TAF1B: variants seen among roughly 807,000 people sequenced by gnomAD.
The protein encoded by TAF1B is TATA box-binding protein-associated factor RNA polymerase I subunit B.
Under a neutral mutation model 83.9 loss-of-function variants are expected in TAF1B, and 61 were observed. That is an observed-to-expected ratio of 0.73 (90% confidence interval 0.59 to 0.90). The LOEUF is 0.90. Ranked by LOEUF, TAF1B falls within the 40% of genes least tolerant of loss-of-function variation. The pLI, the probability that TAF1B is intolerant of heterozygous loss-of-function variation, is 0.00. For missense variants in TAF1B, 625 were observed against 677.0 expected, an observed-to-expected ratio of 0.92 and a Z score of 0.85; for synonymous variants, 221 against 224.6, an observed-to-expected ratio of 0.98 and a Z score of 0.14.
At position 9,871,830 on chromosome 2, in the gene TAF1B, GGAA is replaced by G. The variant is rs150650460; in HGVS notation, c.553+3410_553+3412del. On this transcript the variant is annotated intron_variant, in intron 6 of 14. Coordinates refer to ENST00000263663, the MANE Select transcript of TAF1B (RefSeq NM_005680.3). Reference sequence around the variant, plus strand: ...CTGTCACTGTTCTGGAAACTGGGTAGGAAGAAGAAGACCGGAGGGGAATGGGGG... The same window carrying G: ...CTGTCACTGTTCTGGAAACTGGGTAGGAAGAAGACCGGAGGGGAATGGGGG... Among the ~76,000 whole-genome samples the G allele has an allele frequency of 3.5e-3, 526 of 152,226 alleles. 2 individuals carry two copies. Among genetic ancestry groups the G allele is most frequent in the African/African-American group, 0.012 (509 of 41,526 alleles).
chr2:9,880,005 C>T (rs867903490), intron 7 of TAF1B, among the ~76,000 whole-genome samples: 2 of 152,004 alleles, frequency 1.3e-5, no homozygotes, highest in Non-Finnish European at 2.9e-5. Context: ...ATCATTCAGG[C>T]AGCTGTGGAA....
chr2:9,881,188 G>A (rs1186656515), intron 7 of TAF1B, among the ~76,000 whole-genome samples: 2 of 152,026 alleles, frequency 1.3e-5, no homozygotes, highest in African/African-American at 4.8e-5. Flanking sequence ...ACAAAAATTA[G>A]CCAGGCATGG....
intron 3 of TAF1B, among the ~76,000 whole-genome samples, chr2:9,850,027 A>ATGTG (rs3032347): frequency 1.1e-3 from 135 of 123,626 alleles, no homozygotes; most frequent in African/African-American, 3.4e-3. Flanking sequence ...ATATATATAT[A>ATGTG]TGTGTGTGTG....
intron 8 of TAF1B, among the ~76,000 whole-genome samples, chr2:9,886,872 C>T (rs1455237226): frequency 6.6e-6 from 1 of 152,188 alleles, no homozygotes; most frequent in Non-Finnish European, 1.5e-5. Context: ...TGAGACCATC[C>T]TTGCCAATAT....
intron 7 of TAF1B, among the ~76,000 whole-genome samples, chr2:9,879,105 G>A (rs564836472): frequency 1.3e-5 from 2 of 152,268 alleles, no homozygotes; most frequent in South Asian, 4.2e-4. Flanking sequence ...AGATAGCACG[G>A]AACCCTATAT....
At chr2:9,878,594 G>A (rs1329831897) in intron 7 of TAF1B, among the ~76,000 whole-genome samples, 1 of 152,124 alleles carries the variant, frequency 6.6e-6, no homozygotes, top group East Asian at 1.9e-4. Context: ...TAGCCTGTAA[G>A]GGACCCTGCC....
chr2:9,916,834 G>GTTGTTTTTTTT (rs1572282272), intron 12 of TAF1B, among the ~76,000 whole-genome samples: 1 of 44,848 alleles, frequency 2.2e-5, no homozygotes, highest in African/African-American at 4.6e-5. Context: ...TTTCCTTTCT[G>GTTGTTTTTTTT]TTCTTTTTTT....
At chr2:9,864,360 A>T (rs1251781036) in intron 5 of TAF1B, among the ~76,000 whole-genome samples, 1 of 152,226 alleles carries the variant, frequency 6.6e-6, no homozygotes, top group Non-Finnish European at 1.5e-5. Flanking sequence ...AAATTCCTCG[A>T]CAAATACACC....
At chr2:9,894,244 A>ATT (rs1664954153) in intron 8 of TAF1B, among the ~76,000 whole-genome samples, 1 of 15,916 alleles carries the variant, frequency 6.3e-5, no homozygotes, top group Admixed American at 1.4e-3. Flanking sequence ...AAGTTTAAAC[A>ATT]CTATTTTCAG....
intron 4 of TAF1B, chr2:9,852,100 C>T (rs1663415449): frequency 4.3e-6 from 2 of 462,766 alleles, no homozygotes; most frequent in South Asian, 1.6e-5. Context: ...CACCTGAGTG[C>T]ATCAGAATCA....
At chr2:9,877,645 A>G (rs1664360942) in intron 7 of TAF1B, among the ~76,000 whole-genome samples, 1 of 152,068 alleles carries the variant, frequency 6.6e-6, no homozygotes, top group African/African-American at 2.4e-5. Context: ...CATAAACCTA[A>G]TCATGTCATT....
intron 4 of TAF1B, 55 bp from the exon 5 acceptor site, chr2:9,854,271 G>C: frequency 8.1e-7 from 1 of 1,237,420 alleles, no homozygotes; most frequent in Non-Finnish European, 1.2e-6. Flanking sequence ...AGATGTGCCT[G>C]TACATTTGTT....
chr2:9,899,811 G>T (rs976934687), intron 8 of TAF1B, among the ~76,000 whole-genome samples: 4 of 152,174 alleles, frequency 2.6e-5, no homozygotes, highest in African/African-American at 4.8e-5. Flanking sequence ...CTTGTTTAAT[G>T]TGCATAAACA....
At chr2:9,853,084 TAGTC>T (rs1360463331) in intron 4 of TAF1B, among the ~76,000 whole-genome samples, 1 of 152,250 alleles carries the variant, frequency 6.6e-6, no homozygotes, top group Non-Finnish European at 1.5e-5. Context: ...TCTGCTTACA[TAGTC>T]ATTTTATGTA....
intron 8 of TAF1B, among the ~76,000 whole-genome samples, chr2:9,894,778 G>A (rs1356837902): frequency 6.6e-6 from 1 of 152,110 alleles, no homozygotes; most frequent in Non-Finnish European, 1.5e-5. Context: ...ACCGAGTAAC[G>A]GCAGAGGTAA....
In TAF1B at chr2:9,919,739, A is replaced by G. The variant is rs539432217; in HGVS notation, c.1484A>G (p.Gln495Arg). Residue 495 changes from glutamine (Q) to arginine (R), a missense_variant, in exon 14 of 15, where the codon CAG becomes CGG. Physicochemically the swap from Gln to Arg is conservative, Grantham distance 43. Transcript: ENST00000263663. Reference protein sequence around the residue: ...DRTCFHGHSLQGVLKEKGQSL... With the variant: ...DRTCFHGHSLRGVLKEKGQSL... ...ACGTGTTTCCATGGACACAGCCTTC[A>G]GGGAGTCCTGAAAGAGAAAGGCCAA... 1.2e-6 allele frequency: 2 copies of G among 1,614,222 alleles called. No individual in the cohort carries two copies. Among genetic ancestry groups the G allele is most frequent in the Middle Eastern group, 1.6e-4 (1 of 6,062 alleles).
intron 2 of TAF1B, among the ~76,000 whole-genome samples, chr2:9,846,706 G>A (rs1663217920): frequency 6.6e-6 from 1 of 152,250 alleles, no homozygotes; most frequent in South Asian, 2.1e-4. Context: ...TGAGTCTGCA[G>A]CTGGAATGCT....
At position 9,924,863 on chromosome 2, in the gene TAF1B, G is replaced by C. The variant is rs1401608349; in HGVS notation, c.1565+5043G>C. On this transcript the variant is annotated intron_variant, in intron 14 of 14. Transcript: ENST00000263663. Reference sequence around the variant, plus strand: ...AGAGAAAGGCCACAAGAGTACTTCAGGTATGGGAGGCTGTTTATTCTTCCT... The same window carrying C: ...AGAGAAAGGCCACAAGAGTACTTCACGTATGGGAGGCTGTTTATTCTTCCT... 3.3e-5 allele frequency among the ~76,000 whole-genome samples: 5 copies of C among 152,174 alleles called. No individual in the cohort carries two copies. In the East Asian group the frequency reaches 9.6e-4, roughly 29 times the overall value.
intron 8 of TAF1B, among the ~76,000 whole-genome samples, chr2:9,901,807 TTTC>T (rs960808154): frequency 1.6e-4 from 25 of 152,168 alleles, no homozygotes; most frequent in Non-Finnish European, 3.2e-4. Flanking sequence ...AACTTATGTT[TTTC>T]TTTTCTCTCT....
Sources: gnomAD v4.1 joint callset for allele counts (sites outside exome capture counted in the v4.1 genomes callset) on GRCh38, gnomAD v4.1.1 for gene constraint, MANE v1.5 for transcripts, NCBI Gene and HGNC (gene_info 2026-07-23, HGNC 2026-07-21) for gene names.